Variants in SPOPL observed in about 807,000 individuals in gnomAD.
SPOPL encodes the protein speckle type BTB/POZ protein like, also known as speckle-type POZ protein-like.
SPOPL carries 23 observed loss-of-function variants against 53.8 expected under a neutral mutation model. The observed-to-expected ratio is 0.43, with a 90% CI of 0.31 to 0.61. The LOEUF is 0.61. Ranked by LOEUF, SPOPL falls within the 20% of genes least tolerant of loss-of-function variation. The pLI, the probability that SPOPL is intolerant of heterozygous loss-of-function variation, is 0.12. For synonymous variants in SPOPL, 164 were observed against 149.7 expected (o/e 1.10, Z -0.70); for missense variants, 442 against 466.9 (o/e 0.95, Z 0.49).
rs1573861300 is a variant in SPOPL at position 138,504,271 on chromosome 2, C to G, written c.-61+2152C>G. ...TGACACTGTTTTTGGTAATGCTGTT[C>G]CCTGACCTAGAATAACCTTTGCTCT... On this transcript the variant is annotated intron_variant, in intron 1 of 10. Transcript: ENST00000280098. 2.0e-5 allele frequency among the ~76,000 whole-genome samples: 3 copies of G among 152,102 alleles called. No homozygotes were observed. In the East Asian group the frequency reaches 5.8e-4, roughly 29 times the overall value.
At chr2:138,533,302 G>C (rs1558869046) in intron 1 of SPOPL, among the ~76,000 whole-genome samples, 1 of 152,102 alleles carries the variant, frequency 6.6e-6, no homozygotes, top group Non-Finnish European at 1.5e-5. Flanking sequence ...AATCTTGTTT[G>C]CTTCCTATAG....
At chr2:138,526,129 TA>T (rs1416095922) in intron 1 of SPOPL, among the ~76,000 whole-genome samples, 2 of 152,230 alleles carry the variant, frequency 1.3e-5, no homozygotes, top group Non-Finnish European at 2.9e-5. Context: ...TAACTTTTTT[TA>T]CTTTTTAAAT....
At position 138,568,920 on chromosome 2, in the gene SPOPL, T is replaced by C. The variant is rs750613670; in HGVS notation, c.1035-16T>C. ...AAAGTATTCTTTAGTAAATATCTTTTAATTCTATTTTTCAGCCAAGCAACC... is the reference window on the plus strand; with the variant it reads ...AAAGTATTCTTTAGTAAATATCTTTCAATTCTATTTTTCAGCCAAGCAACC... On this transcript the variant is annotated splice_polypyrimidine_tract_variant and intron_variant, in intron 10 of 10. Transcript: ENST00000280098. The C allele has an allele frequency of 4.3e-6, 7 of 1,613,156 alleles. No homozygotes were observed. In the East Asian group the frequency reaches 1.6e-4, roughly 36 times the overall value.
At chr2:138,550,350 T>C in intron 2 of SPOPL, 56 bp downstream of exon 2, 1 of 1,604,484 alleles carries the variant, frequency 6.2e-7, no homozygotes, top group Non-Finnish European at 8.5e-7. Flanking sequence ...TACAGTATGT[T>C]GAGAATAGTA....
chr2:138,564,979 A>C lies in SPOPL; in HGVS notation c.1020A>C (p.Lys340Asn). The change falls in exon 10 of 11, where the codon AAA becomes AAC. Residue 340 changes from lysine to asparagine, a missense_variant. Physicochemically the swap from Lys to Asn is moderately conservative, Grantham distance 94. Coordinates refer to ENST00000280098, the MANE Select transcript of SPOPL (RefSeq NM_001001664.3). ...VLRQLGCKDG[K>N]NWNSNQATDI... Reference sequence around the variant, plus strand: ...GACAACTTGGGTGTAAAGATGGGAAAAACTGGAACAGCAAGTAAGATGACA... The same window carrying C: ...GACAACTTGGGTGTAAAGATGGGAACAACTGGAACAGCAAGTAAGATGACA... 1 of 1,614,100 alleles carries C rather than the reference A, an allele frequency of 6.2e-7. No homozygotes were observed. Among genetic ancestry groups the C allele is most frequent in the Non-Finnish European group, 8.5e-7 (1 of 1,180,006 alleles).
intron 10 of SPOPL, among the ~76,000 whole-genome samples, chr2:138,567,890 T>G (rs17648720): frequency 0.028 from 4,228 of 152,268 alleles, 89 homozygotes; most frequent in Non-Finnish European, 0.04. Context: ...GCTTAAGCAT[T>G]TATTTACGGT....
chr2:138,549,142 A>G (rs1685259564), intron 1 of SPOPL, among the ~76,000 whole-genome samples: 1 of 152,066 alleles, frequency 6.6e-6, no homozygotes, highest in Admixed American at 6.6e-5. Context: ...GCTGTCTCCA[A>G]CTATTATTGT....
intron 1 of SPOPL, 111 bp downstream of exon 1, chr2:138,502,230 C>G (rs946010476): frequency 2.0e-5 from 3 of 152,960 alleles, no homozygotes; most frequent in East Asian, 1.9e-4. Flanking sequence ...ACTGCGCCCT[C>G]TGCTCTCTGG....
intron 3 of SPOPL, 77 bp from the exon 4 acceptor site, chr2:138,550,826 T>TC (rs1685299024): frequency 2.0e-5 from 30 of 1,465,490 alleles, no homozygotes; most frequent in Middle Eastern, 2.3e-4. Context: ...TCTCTCTCTC[T>TC]TTCTCTCTCT....
At chr2:138,533,750 G>A (rs1013909747) in intron 1 of SPOPL, among the ~76,000 whole-genome samples, 1 of 151,904 alleles carries the variant, frequency 6.6e-6, no homozygotes, top group Admixed American at 6.6e-5. Flanking sequence ...GCAGTATTTT[G>A]TTATAACATC....
At chr2:138,567,228 A>C (rs1174268894) in intron 10 of SPOPL, among the ~76,000 whole-genome samples, 1 of 152,146 alleles carries the variant, frequency 6.6e-6, no homozygotes, top group African/African-American at 2.4e-5. Flanking sequence ...GACTTAACCT[A>C]ATCTAGGAAT....
In SPOPL at chr2:138,572,713, A is replaced by G. The variant is rs1024062113; in HGVS notation, c.*3633A>G. 6.6e-6 allele frequency: 1 copy of G among 152,610 alleles called. No individual in the cohort carries two copies. The highest frequency in any genetic ancestry group is 1.5e-5 in the Non-Finnish European group (1 of 68,008). 9.5% of individuals were successfully genotyped at this position (152,610 alleles called of 1,614,324 possible). A position where few individuals can be genotyped will look rare whatever the true frequency, so the allele number is the denominator to read the frequency against. On this transcript the variant is annotated 3_prime_UTR_variant, in exon 11 of 11. Coordinates refer to ENST00000280098, the MANE Select transcript of SPOPL (RefSeq NM_001001664.3). ...ACAGCACTTTCCGCACACAAAGTGT[A>G]TTTTACAAACCTTTTTTATACAAAT...
At chr2:138,568,625 A>G (rs1685715475) in intron 10 of SPOPL, among the ~76,000 whole-genome samples, 1 of 152,134 alleles carries the variant, frequency 6.6e-6, no homozygotes, top group Non-Finnish European at 1.5e-5. Flanking sequence ...GCCTTATAAG[A>G]GGCATGTAAA....
chr2:138,527,744 A>G (rs181431048), intron 1 of SPOPL, among the ~76,000 whole-genome samples: 6 of 152,120 alleles, frequency 3.9e-5, no homozygotes, highest in African/African-American at 9.7e-5. Context: ...TTCCGTTCAT[A>G]TATTAGGATG....
intron 8 of SPOPL, among the ~76,000 whole-genome samples, chr2:138,562,092 G>A (rs552460038): frequency 6.5e-4 from 98 of 151,814 alleles, no homozygotes; most frequent in African/African-American, 2.4e-3. Flanking sequence ...TCTCAATATT[G>A]TTAAAATGTC....
chr2:138,517,627 G>T (rs1214123719), intron 1 of SPOPL, among the ~76,000 whole-genome samples: 5 of 151,666 alleles, frequency 3.3e-5, no homozygotes, highest in Non-Finnish European at 5.9e-5. Flanking sequence ...GTAGTCCCAG[G>T]TACCTGAGAG....
chr2:138,545,591 A>G (rs1386552167), intron 1 of SPOPL, among the ~76,000 whole-genome samples: 10 of 65,926 alleles, frequency 1.5e-4, no homozygotes, highest in Non-Finnish European at 3.4e-4. Context: ...CTGCCATCAC[A>G]CCCGGCTAAT....
At chr2:138,552,282 C>T (rs1167955975) in intron 4 of SPOPL, among the ~76,000 whole-genome samples, 3 of 151,934 alleles carry the variant, frequency 2.0e-5, no homozygotes, top group Admixed American at 2.0e-4. Context: ...CTTCCTTCTC[C>T]ATGTGATTTG....
At chr2:138,554,423 G>T in intron 5 of SPOPL, 1 of 1,213,484 alleles carries the variant, frequency 8.2e-7, no homozygotes, top group Non-Finnish European at 1.1e-6. Flanking sequence ...GCTCACGGAT[G>T]CCCTTCCTTC....
Sources: gnomAD v4.1 joint callset for allele counts (sites outside exome capture counted in the v4.1 genomes callset) on GRCh38, gnomAD v4.1.1 for gene constraint, MANE v1.5 for transcripts, NCBI Gene and HGNC (gene_info 2026-07-23, HGNC 2026-07-21) for gene names.